Variants in CLPB observed in about 807,000 individuals in gnomAD.
CLPB encodes ClpB family mitochondrial disaggregase, also known as mitochondrial disaggregase.
CLPB carries 40 observed loss-of-function variants against 78.4 expected under a neutral mutation model. The ratio of observed to expected loss-of-function variants is 0.51; its 90% CI spans 0.40 to 0.66. The LOEUF (loss-of-function observed/expected upper bound fraction) is 0.66, where lower values mean the gene tolerates loss of function less well. Ranked by LOEUF, CLPB falls within the 30% of genes least tolerant of loss-of-function variation. The probability of loss-of-function intolerance (pLI) is 0.00; values close to 1 mark genes in which losing one functional copy is unlikely to be tolerated. For synonymous variants in CLPB, 333 were observed against 348.0 expected (o/e 0.96, Z 0.48); for missense variants, 780 against 886.9 (o/e 0.88, Z 1.53).
At chr11:72,359,256 G>C (rs1231332228) in intron 4 of CLPB, 1 of 642,960 alleles carries the variant, frequency 1.6e-6, no homozygotes, top group Non-Finnish European at 2.9e-6. Flanking sequence ...AAATAGATCA[G>C]ATAAGGTCCC....
At chr11:72,348,681 G>A (rs2135585241) in intron 5 of CLPB, among the ~76,000 whole-genome samples, 1 of 152,312 alleles carries the variant, frequency 6.6e-6, no homozygotes, top group East Asian at 1.9e-4. Flanking sequence ...TGAAAGTCCT[G>A]TTATCTACTG....
At chr11:72,349,484 A>C (rs1950574660) in intron 5 of CLPB, among the ~76,000 whole-genome samples, 1 of 152,246 alleles carries the variant, frequency 6.6e-6, no homozygotes, top group Non-Finnish European at 1.5e-5. Context: ...AAGACAGCAC[A>C]TGAATGCTAG....
intron 6 of CLPB, among the ~76,000 whole-genome samples, chr11:72,328,033 C>A (rs150450188): frequency 4.6e-4 from 70 of 152,314 alleles, no homozygotes; most frequent in African/African-American, 1.7e-3. Flanking sequence ...CTCTCCCATT[C>A]TAGGCACATG....
chr11:72,342,320 C>T (rs1481212962), intron 5 of CLPB, among the ~76,000 whole-genome samples: 1 of 152,116 alleles, frequency 6.6e-6, no homozygotes, highest in Non-Finnish European at 1.5e-5. Context: ...CAGAGTTAGA[C>T]AAGGAAAACA....
rs1222183976 is a variant in CLPB at position 72,339,196 on chromosome 11, C to G, written c.776-9392G>C. Among the ~76,000 whole-genome samples, 3 of 152,080 alleles carry G rather than the reference C, an allele frequency of 2.0e-5. No homozygotes were observed. In the East Asian group the frequency reaches 5.8e-4, roughly 29 times the overall value. ...CCAGATGGAAGATTGACATTAAGAG[C>G]TAAAGCAAATATGATGCAAGTTAGT... is the stretch of plus-strand genomic sequence containing the variant. On this transcript the variant is annotated intron_variant, in intron 5 of 15. Transcript: ENST00000538039.
Position 72,368,816 on chromosome 11 carries a change from G to A in CLPB, c.647-9808C>T, listed in dbSNP as rs550706157. Among the ~76,000 whole-genome samples the A allele has an allele frequency of 1.3e-4, 20 of 152,266 alleles. No homozygotes were observed. The East Asian group carries it at 2.9e-3, about 22-fold the overall frequency. On this transcript the variant is annotated intron_variant, in intron 4 of 15. Coordinates refer to ENST00000538039, the MANE Select transcript of CLPB (RefSeq NM_001258392.3). ...GCACTCATGGTCAAGTAGGTTGGCC[G>A]ATGGCTGGAGGACCATTCCCTACTT...
intron 11 of CLPB, among the ~76,000 whole-genome samples, chr11:72,298,750 G>A (rs553272195): frequency 2.6e-5 from 4 of 152,124 alleles, no homozygotes; most frequent in East Asian, 1.9e-4. Context: ...TGCCCACCTC[G>A]GCCTTCCAAA....
intron 5 of CLPB, among the ~76,000 whole-genome samples, chr11:72,349,263 T>C (rs1429792981): frequency 1.3e-5 from 2 of 152,228 alleles, no homozygotes; most frequent in Non-Finnish European, 2.9e-5. Context: ...GCCAGGTCCC[T>C]TGACCCCTAG....
At chr11:72,309,638 T>G (rs182028158) in intron 7 of CLPB, among the ~76,000 whole-genome samples, 1 of 152,072 alleles carries the variant, frequency 6.6e-6, no homozygotes, top group Non-Finnish European at 1.5e-5. Context: ...GATGGCAGAG[T>G]TGCTTCTCTC....
chr11:72,418,581 G>A (rs911998883), intron 2 of CLPB, among the ~76,000 whole-genome samples: 6 of 152,206 alleles, frequency 3.9e-5, no homozygotes, highest in Non-Finnish European at 8.8e-5. Context: ...TGAAGGCCAG[G>A]TGCAGTGGCT....
Position 72,380,348 on chromosome 11 carries a change from TG to T in CLPB, c.578del (p.Pro193GlnfsTer25), listed in dbSNP as rs1440477216. On this transcript the variant is annotated frameshift_variant, in exon 4 of 16. Coordinates refer to ENST00000538039, the MANE Select transcript of CLPB (RefSeq NM_001258392.3). LOFTEE classifies it high-confidence loss of function. ...CACTGCTGAAATCATCTCCAAGGTT[TG>T]GATCAGCCCCAGCAGCAAGCAGGAC... ...VQVLLAAGAD[P>X]NLGDDFSSVY... 6.2e-7 allele frequency: 1 copy of T among 1,614,208 alleles called. No individual in the cohort carries two copies. The highest frequency in any genetic ancestry group is 8.5e-7 in the Non-Finnish European group (1 of 1,180,014).
chr11:72,364,217 G>C (rs1324867265), intron 4 of CLPB, among the ~76,000 whole-genome samples: 1 of 152,056 alleles, frequency 6.6e-6, no homozygotes, highest in African/African-American at 2.4e-5. Context: ...TTTTGAGATG[G>C]AGTCTCACTC....
At chr11:72,415,124 G>A (rs951671787) in intron 2 of CLPB, among the ~76,000 whole-genome samples, 2 of 152,152 alleles carry the variant, frequency 1.3e-5, no homozygotes, top group Non-Finnish European at 2.9e-5. Context: ...GCTGAGGCAG[G>A]AGAATCACTT....
At chr11:72,360,618 G>A (rs150193966) in intron 4 of CLPB, among the ~76,000 whole-genome samples, 4,831 of 152,070 alleles carry the variant, frequency 0.032, 118 homozygotes, top group Non-Finnish European at 0.04. Flanking sequence ...TGTATTTTTA[G>A]TAGAGATGGG....
intron 5 of CLPB, 68 bp downstream of exon 5, chr11:72,358,810 TCC>T: frequency 5.3e-5 from 1 of 18,978 alleles, no homozygotes; most frequent in Non-Finnish European, 1.1e-4. Context: ...ATCCCACCCC[TCC>T]TCCACCCCCC....
At chr11:72,353,766 A>T (rs977224518) in intron 5 of CLPB, among the ~76,000 whole-genome samples, 2 of 152,176 alleles carry the variant, frequency 1.3e-5, no homozygotes, top group African/African-American at 4.8e-5. Context: ...CCAGCATGCA[A>T]AATGGTCTTA....
At chr11:72,302,251 C>T (rs1314777833) in intron 10 of CLPB, 53 bp downstream of exon 10, 1 of 1,572,236 alleles carries the variant, frequency 6.4e-7, no homozygotes, top group Non-Finnish European at 8.8e-7. Context: ...CCCCGGCAGT[C>T]ATGCTGACAA....
intron 5 of CLPB, chr11:72,352,532 T>C (rs1950633006): frequency 6.6e-6 from 1 of 152,280 alleles, no homozygotes; most frequent in African/African-American, 2.4e-5. Flanking sequence ...CTCATCTACC[T>C]GGTACACTTG....
intron 2 of CLPB, among the ~76,000 whole-genome samples, chr11:72,410,107 G>T (rs1855833085): frequency 6.6e-6 from 1 of 152,146 alleles, no homozygotes; most frequent in South Asian, 2.1e-4. Flanking sequence ...GCCAGTACCT[G>T]TAATCCAAGC....
Sources: allele counts gnomAD v4.1 joint callset (sites outside exome capture counted in the v4.1 genomes callset), GRCh38; gene constraint gnomAD v4.1.1; transcripts MANE v1.5; gene names NCBI Gene and HGNC (gene_info 2026-07-23, HGNC 2026-07-21).